ABCA13: variants seen among roughly 807,000 people sequenced by gnomAD.
The protein encoded by ABCA13 is ATP binding cassette subfamily A member 13, also known as ATP-binding cassette sub-family A member 13.
Under a neutral mutation model 478.7 loss-of-function variants are expected in ABCA13, and 476 were observed. That is an observed-to-expected ratio of 0.99 (90% CI 0.92 to 1.07). ABCA13 has a LOEUF of 1.07. ABCA13 is among the 50% of genes least tolerant of loss of function. The pLI, the probability that ABCA13 is intolerant of heterozygous loss-of-function variation, is 0.00. For missense variants in ABCA13, 6,060 were observed against 5,910.6 expected, an observed-to-expected ratio of 1.03 and a Z score of -0.83; for synonymous variants, 2,252 against 2,158.9, an observed-to-expected ratio of 1.04 and a Z score of -1.20.
intron 1 of ABCA13, among the ~76,000 whole-genome samples, chr7:48,182,554 C>A (rs1265899842): frequency 6.6e-6 from 1 of 152,106 alleles, no homozygotes; most frequent in Non-Finnish European, 1.5e-5. Context: ...ATGCCAAAGT[C>A]TCTAGCTCAA....
intron 11 of ABCA13, 125 bp from the exon 12 acceptor site, chr7:48,245,387 A>T (rs556649957): frequency 1.5e-6 from 1 of 664,104 alleles, no homozygotes; most frequent in African/African-American, 1.8e-5. Flanking sequence ...AAGAAAATGT[A>T]TAATAATAGG....
intron 55 of ABCA13, among the ~76,000 whole-genome samples, chr7:48,571,380 C>G (rs952164451): frequency 6.6e-6 from 1 of 152,166 alleles, no homozygotes; most frequent in African/African-American, 2.4e-5. Flanking sequence ...TGTCAACAAA[C>G]TCTCTCAGTT....
intron 48 of ABCA13, among the ~76,000 whole-genome samples, chr7:48,504,238 G>A (rs1831009862): frequency 6.6e-6 from 1 of 152,104 alleles, no homozygotes; most frequent in South Asian, 2.1e-4. Flanking sequence ...CAAAGATTGG[G>A]TTTCACTTTA....
chr7:48,189,277 T>C (rs1796774240), intron 1 of ABCA13, among the ~76,000 whole-genome samples: 1 of 152,132 alleles, frequency 6.6e-6, no homozygotes, highest in African/African-American at 2.4e-5. Context: ...AATAATGACA[T>C]ATAAGAAGAA....
chr7:48,560,814 C>A (rs1786376618), intron 55 of ABCA13, among the ~76,000 whole-genome samples: 1 of 152,132 alleles, frequency 6.6e-6, no homozygotes, highest in Non-Finnish European at 1.5e-5. Flanking sequence ...TTTATTTATT[C>A]TATCTAATTG....
chr7:48,179,567 A>G (rs969885004), intron 1 of ABCA13, among the ~76,000 whole-genome samples: 1 of 152,138 alleles, frequency 6.6e-6, no homozygotes, highest in Non-Finnish European at 1.5e-5. Context: ...GGAGAATTGT[A>G]CCTGTGTGTT....
intron 55 of ABCA13, among the ~76,000 whole-genome samples, chr7:48,541,469 A>G (rs1417464823): frequency 1.3e-5 from 2 of 152,062 alleles, no homozygotes; most frequent in South Asian, 2.1e-4. Flanking sequence ...TACATTCTAG[A>G]TCTTATTTGA....
At chr7:48,243,967 C>A (rs1338463675) in intron 10 of ABCA13, among the ~76,000 whole-genome samples, 2 of 152,248 alleles carry the variant, frequency 1.3e-5, no homozygotes, top group African/African-American at 4.8e-5. Context: ...TTCTCCCTCT[C>A]CCGTATTTAT....
chr7:48,392,120 C>A lies in ABCA13; in HGVS notation c.11854C>A (p.Leu3952Met), dbSNP rs1816164749. The A allele has an allele frequency of 1.2e-6, 2 of 1,613,858 alleles. No homozygotes were observed. The highest frequency in any genetic ancestry group is 4.5e-5 in the East Asian group (2 of 44,874). ...GGCGCCTCAGTGGACCAAGAAGGAG[C>A]TGCATCAGCAAGTCAATCAGTTAGT... ...IKAPQWTKKE[L>M]HQQVNQTLQD... The change falls in exon 38 of 62, where the codon CTG (leucine) becomes ATG (methionine). Residue 3952 changes from leucine to methionine, a missense_variant. Coordinates refer to ENST00000435803, the MANE Select transcript of ABCA13 (RefSeq NM_152701.5).
chr7:48,301,465 A>G lies in ABCA13; in HGVS notation c.9321+2978A>G, dbSNP rs562273796. ...AGTTTGTTTCCTGGAAAGCTCCAAC[A>G]GATAGTTCTTGGTGAAACTCATTTC... On this transcript the variant is annotated intron_variant, in intron 23 of 61. Transcript: ENST00000435803. 5.9e-5 allele frequency among the ~76,000 whole-genome samples: 9 copies of G among 151,904 alleles called. No homozygotes were observed. The East Asian group carries it at 9.7e-4, about 16-fold the overall frequency.
At position 48,273,997 on chromosome 7, in the gene ABCA13, TA is replaced by T. The variant is rs781126037; in HGVS notation, c.4338del (p.Lys1446AsnfsTer11). The T allele has an allele frequency of 6.8e-6, 11 of 1,607,720 alleles. No homozygotes were observed. The highest frequency in any genetic ancestry group is 2.7e-5 in the African/African-American group (2 of 74,700). ...AAAATTGTAACTTGGGTGTTAAATA[TA>T]AAAAAACCTCTTTGTTCATCAAATG... The part of the protein sequence containing the change: ...ILKIVTWVLN[I>X]KKPLCSSNGS... On this transcript the variant is annotated frameshift_variant, in exon 17 of 62. Transcript: ENST00000435803. LOFTEE classifies it high-confidence loss of function.
intron 27 of ABCA13, among the ~76,000 whole-genome samples, chr7:48,334,644 A>G (rs1000834633): frequency 3.9e-5 from 6 of 152,022 alleles, no homozygotes; most frequent in Non-Finnish European, 7.4e-5. Flanking sequence ...CTCTATCCCT[A>G]TTTTTATTGA....
At chr7:48,483,884 G>T (rs1398935650) in intron 47 of ABCA13, among the ~76,000 whole-genome samples, 1 of 152,208 alleles carries the variant, frequency 6.6e-6, no homozygotes, top group African/African-American at 2.4e-5. Context: ...AATCAGAAAA[G>T]GGTAGATTGT....
chr7:48,307,531 G>T (rs1801083632), intron 23 of ABCA13, among the ~76,000 whole-genome samples: 1 of 152,100 alleles, frequency 6.6e-6, no homozygotes, highest in South Asian at 2.1e-4. Flanking sequence ...TGAGTGAGTG[G>T]CAAGCGGATG....
At chr7:48,427,533 G>A (rs1002737041) in intron 41 of ABCA13, among the ~76,000 whole-genome samples, 18 of 152,186 alleles carry the variant, frequency 1.2e-4, no homozygotes, top group African/African-American at 4.1e-4. Flanking sequence ...GCCCGTGAGG[G>A]TCTGGGAGTT....
chr7:48,319,816 C>T (rs1803159962), intron 27 of ABCA13, among the ~76,000 whole-genome samples: 1 of 152,178 alleles, frequency 6.6e-6, no homozygotes, highest in South Asian at 2.1e-4. Context: ...CTCTTCTCCT[C>T]TATCTGTGAA....
At chr7:48,338,997 A>G (rs1244195536) in intron 29 of ABCA13, among the ~76,000 whole-genome samples, 1 of 152,204 alleles carries the variant, frequency 6.6e-6, no homozygotes, top group East Asian at 1.9e-4. Flanking sequence ...TGCAGTGCAG[A>G]GAAGAAGATG....
At chr7:48,233,225 T>A (rs1526104) in intron 7 of ABCA13, among the ~76,000 whole-genome samples, 124,061 of 152,182 alleles carry the variant, frequency 0.82, 51,150 homozygotes, top group African/African-American at 0.96. Context: ...GAGATAATGC[T>A]TGTGAAAATG....
At chr7:48,290,880 C>T (rs1428511524) in intron 20 of ABCA13, among the ~76,000 whole-genome samples, 1 of 125,344 alleles carries the variant, frequency 8.0e-6, no homozygotes, top group Non-Finnish European at 1.6e-5. Context: ...AAGGAGAATA[C>T]CGAGCCTGAA....
Sources: gnomAD v4.1 joint callset for allele counts (sites outside exome capture counted in the v4.1 genomes callset) on GRCh38, gnomAD v4.1.1 for gene constraint, MANE v1.5 for transcripts, NCBI Gene and HGNC (gene_info 2026-07-23, HGNC 2026-07-21) for gene names.